The following D2HGDH variants were observed in gnomAD, a reference collection of about 807,000 sequenced individuals.
The protein encoded by D2HGDH is D-2-hydroxyglutarate dehydrogenase, mitochondrial.
A neutral mutation model predicts 46.9 loss-of-function variants in D2HGDH; 31 were observed. That is an observed-to-expected ratio of 0.66 (90% CI 0.50 to 0.89). The LOEUF is 0.89. Among genes scored for constraint, D2HGDH ranks in the 40% least tolerant of loss-of-function variants. D2HGDH has a pLI of 0.00. For synonymous variants in D2HGDH, 364 were observed against 332.6 expected, an observed-to-expected ratio of 1.09 and a Z score of -1.03; for missense variants, 698 against 720.8, an observed-to-expected ratio of 0.97 and a Z score of 0.36.
At chr2:241,747,512 G>A (rs113503246) in intron 6 of D2HGDH, among the ~76,000 whole-genome samples, 29 of 151,336 alleles carry the variant, frequency 1.9e-4, no homozygotes, top group African/African-American at 5.3e-4. Flanking sequence ...GGGCTGTGTC[G>A]GGCTGATCCA....
In D2HGDH at chr2:241,740,673, A is replaced by G. The variant is rs542464311; in HGVS notation, c.293-360A>G. Among the ~76,000 whole-genome samples the G allele has an allele frequency of 1.1e-4, 17 of 152,274 alleles. No individual in the cohort carries two copies. The South Asian group carries it at 1.5e-3, about 13-fold the overall frequency. ...TAAGATCACTCTCTGGGGGCTGGGCATGGTGGCTCATGCCTGTAATCCCAG... is the reference window on the plus strand; with the variant it reads ...TAAGATCACTCTCTGGGGGCTGGGCGTGGTGGCTCATGCCTGTAATCCCAG... On this transcript the variant is annotated intron_variant, in intron 2 of 9. Transcript: ENST00000321264.
intron 9 of D2HGDH, among the ~76,000 whole-genome samples, chr2:241,761,316 A>C (rs1698794420): frequency 6.6e-6 from 1 of 152,138 alleles, no homozygotes. Context: ...AAGCGGGTGG[A>C]TCACCGGAGG....
chr2:241,756,444 C>T (rs2125159478), intron 9 of D2HGDH, among the ~76,000 whole-genome samples: 1 of 152,352 alleles, frequency 6.6e-6, no homozygotes, highest in African/African-American at 2.4e-5. Context: ...AAACCACGTT[C>T]AGATCATCTT....
chr2:241,743,549 T>C lies in D2HGDH; in HGVS notation c.491-73T>C. ...TTCTGGGTGGCTTGCCTGTGCAAGA[T>C]GGGGGTTGGGACTCACCAGCCCGGG... On this transcript the variant is annotated intron_variant, in intron 4 of 9. Coordinates refer to ENST00000321264, the MANE Select transcript of D2HGDH (RefSeq NM_152783.5). The surrounding 1 kb of genome is among the most constrained non-coding windows in gnomAD (Gnocchi z 4.8). 6.5e-7 allele frequency: 1 copy of C among 1,536,002 alleles called. No homozygotes were observed. Among genetic ancestry groups the C allele is most frequent in the South Asian group, 1.2e-5 (1 of 85,504 alleles).
At chr2:241,755,342 C>G in intron 8 of D2HGDH, 1 of 1,304,164 alleles carries the variant, frequency 7.7e-7, no homozygotes, top group Admixed American at 2.3e-5. Flanking sequence ...GCTGTTGTCC[C>G]CACTGCCTGT....
intron 8 of D2HGDH, chr2:241,754,985 A>C: frequency 8.0e-7 from 1 of 1,246,476 alleles, no homozygotes; most frequent in Non-Finnish European, 1.0e-6. Context: ...AGGACCCTGC[A>C]GGGGAGAGGT....
At chr2:241,750,562 A>G (rs999699908) in intron 7 of D2HGDH, among the ~76,000 whole-genome samples, 3 of 152,244 alleles carry the variant, frequency 2.0e-5, no homozygotes, top group Non-Finnish European at 4.4e-5. Context: ...ACGGGAAGGA[A>G]CTAAGTGGCT....
intron 1 of D2HGDH, 78 bp from the exon 2 acceptor site, chr2:241,735,054 GC>G: frequency 1.3e-6 from 1 of 748,336 alleles, no homozygotes; most frequent in South Asian, 2.2e-5. Flanking sequence ...CTGCCCTCCT[GC>G]CCCCTCCCTG....
At chr2:241,758,723 G>T (rs562155306) in intron 9 of D2HGDH, among the ~76,000 whole-genome samples, 1 of 151,944 alleles carries the variant, frequency 6.6e-6, no homozygotes, top group Non-Finnish European at 1.5e-5. Flanking sequence ...ACCAGCCTGG[G>T]CAACACAGTG....
intron 9 of D2HGDH, among the ~76,000 whole-genome samples, chr2:241,760,058 G>A (rs1248437776): frequency 1.7e-5 from 2 of 117,768 alleles, no homozygotes; most frequent in Non-Finnish European, 3.5e-5. Context: ...GCGTGGGTGG[G>A]CCTTACCCAG....
intron 9 of D2HGDH, among the ~76,000 whole-genome samples, chr2:241,763,939 A>G (rs974302646): frequency 6.6e-6 from 1 of 152,002 alleles, no homozygotes; most frequent in Non-Finnish European, 1.5e-5. Flanking sequence ...AGTCCCAGCT[A>G]CTCAGGAGGC....
intron 2 of D2HGDH, among the ~76,000 whole-genome samples, chr2:241,738,224 ATGGCCCAGGGCCTGTG>A (rs1693472185): frequency 6.6e-6 from 1 of 152,154 alleles, no homozygotes; most frequent in Non-Finnish European, 1.5e-5. Context: ...AGTGCACACC[ATGGCCCAGGGCCTGTG>A]GGCTCACGAA....
chr2:241,745,965 C>T (rs573793922), intron 6 of D2HGDH, among the ~76,000 whole-genome samples: 2 of 152,266 alleles, frequency 1.3e-5, no homozygotes, highest in Non-Finnish European at 1.5e-5. Context: ...TCTCCTGGCC[C>T]CCCTTGGGCC....
rs560011661 is a variant in D2HGDH, at chr2:241,738,658, C to T, written c.293-2375C>T. ...AGAACTGGCTGTCCCCCTGGGTCCC[C>T]GCTCTCTGGTCAGCACCTTTTTGGG... is the stretch of plus-strand genomic sequence containing the variant. On this transcript the variant is annotated intron_variant, in intron 2 of 9. Coordinates refer to ENST00000321264, the MANE Select transcript of D2HGDH (RefSeq NM_152783.5). 5.7e-4 allele frequency among the ~76,000 whole-genome samples: 87 copies of T among 152,336 alleles called. 2 individuals carry two copies. In the South Asian group the frequency reaches 0.015, roughly 26 times the overall value.
At chr2:241,749,495 G>A in intron 6 of D2HGDH, 1 of 808,490 alleles carries the variant, frequency 1.2e-6, no homozygotes, top group Admixed American at 4.0e-5. Context: ...TTGAGGGTCG[G>A]CTTCCCCAGG....
rs372236363 is a variant in D2HGDH at position 241,742,583 on chromosome 2, G to A, written c.490+9G>A. On this transcript the variant is annotated intron_variant, in intron 4 of 9. Coordinates refer to ENST00000321264, the MANE Select transcript of D2HGDH (RefSeq NM_152783.5). The surrounding 1 kb of genome is among the most constrained non-coding windows in gnomAD (Gnocchi z 4.8). ...CTTCCACAGCGTGTCTGGTAAGCCTGTGCCACCCGTCGGGGCCCAGGAGTC... is the reference window on the plus strand; with the variant it reads ...CTTCCACAGCGTGTCTGGTAAGCCTATGCCACCCGTCGGGGCCCAGGAGTC... 1.5e-5 allele frequency: 25 copies of A among 1,613,954 alleles called. No homozygotes were observed. The highest frequency in any genetic ancestry group is 2.1e-5 in the Non-Finnish European group (25 of 1,180,002).
At chr2:241,740,723 G>A (rs1258847273) in intron 2 of D2HGDH, among the ~76,000 whole-genome samples, 1 of 152,190 alleles carries the variant, frequency 6.6e-6, no homozygotes, top group African/African-American at 2.4e-5. Context: ...GCAGTGGGCG[G>A]ATCACGAGGT....
At chr2:241,756,083 G>T (rs1048470616) in intron 9 of D2HGDH, 69 bp downstream of exon 9, 1 of 1,514,270 alleles carries the variant, frequency 6.6e-7, no homozygotes, top group Non-Finnish European at 8.8e-7. Flanking sequence ...CCGTCACCCT[G>T]CCAGGCTTCG....
At chr2:241,744,987 C>A in intron 6 of D2HGDH, 110 bp downstream of exon 6, 1 of 1,354,728 alleles carries the variant, frequency 7.4e-7, no homozygotes, top group Non-Finnish European at 1.0e-6. Context: ...CCGCCAAGGA[C>A]AGTCGGTTCC....
Sources: allele counts gnomAD v4.1 joint callset (sites outside exome capture counted in the v4.1 genomes callset), GRCh38; gene constraint gnomAD v4.1.1; non-coding constraint Gnocchi (gnomAD v3.1); transcripts MANE v1.5; gene names NCBI Gene and HGNC (gene_info 2026-07-23, HGNC 2026-07-21).